RBFOX1: variants seen among roughly 807,000 people sequenced by gnomAD.
RBFOX1 encodes the protein RNA binding fox-1 homolog 1, also known as RNA binding protein fox-1 homolog 1.
Under a neutral mutation model 57.7 loss-of-function variants are expected in RBFOX1, and 8 were observed. The observed-to-expected ratio is 0.14, with a 90% CI of 0.08 to 0.25. RBFOX1 has a LOEUF of 0.25. Among genes scored for constraint, RBFOX1 ranks in the 10% least tolerant of loss-of-function variants. The pLI, the probability that RBFOX1 is intolerant of heterozygous loss-of-function variation, is 1.00. For synonymous variants in RBFOX1, 326 were observed against 222.4 expected (o/e 1.47, Z -4.15); for missense variants, 611 against 548.5 (o/e 1.11, Z -1.14).
chr16:6,173,249 A>C (rs1004802397), intron 1 of RBFOX1, among the ~76,000 whole-genome samples: 5 of 152,140 alleles, frequency 3.3e-5, no homozygotes, highest in Middle Eastern at 3.2e-3. Flanking sequence ...TCTGTGTACT[A>C]TGACTGCCAA....
chr16:5,819,225 C>T (rs188472975), intron 3 of RBFOX1, among the ~76,000 whole-genome samples: 5 of 152,118 alleles, frequency 3.3e-5, no homozygotes, highest in African/African-American at 9.7e-5. Flanking sequence ...CCTAGATGGC[C>T]GTCTTTTCAA....
intron 3 of RBFOX1, among the ~76,000 whole-genome samples, chr16:6,866,530 T>C (rs2059938066): frequency 2.2e-5 from 3 of 134,118 alleles, no homozygotes; most frequent in South Asian, 5.1e-4. Flanking sequence ...GTTAGGGCTT[T>C]CTTTCCTTCT....
chr16:7,559,994 A>G lies in RBFOX1; in HGVS notation c.271-19783A>G, dbSNP rs151303519. ...GTTAAAAGAATGGATCCTATTTGTCACCTGTGAAGGTTATTTTAAAAGATT... is the reference window on the plus strand; with the variant it reads ...GTTAAAAGAATGGATCCTATTTGTCGCCTGTGAAGGTTATTTTAAAAGATT... On this transcript the variant is annotated intron_variant, in intron 5 of 15. Transcript: ENST00000550418. 5.1e-4 allele frequency among the ~76,000 whole-genome samples: 78 copies of G among 152,322 alleles called. 1 individual carries two copies. The highest frequency in any genetic ancestry group is 1.8e-3 in the African/African-American group (73 of 41,572).
intron 4 of RBFOX1, among the ~76,000 whole-genome samples, chr16:7,448,600 G>C (rs927625068): frequency 6.6e-6 from 1 of 152,132 alleles, no homozygotes; most frequent in African/African-American, 2.4e-5. Flanking sequence ...GGAATTATGG[G>C]AGCTACAATT....
intron 4 of RBFOX1, among the ~76,000 whole-genome samples, chr16:7,394,718 C>T (rs891473462): frequency 3.9e-5 from 6 of 152,152 alleles, no homozygotes; most frequent in Non-Finnish European, 7.3e-5. Context: ...CCGGTTGAGG[C>T]ATGAATAACA....
intron 11 of RBFOX1, among the ~76,000 whole-genome samples, chr16:7,640,642 A>G (rs192121985): frequency 6.6e-6 from 1 of 152,324 alleles, no homozygotes; most frequent in Admixed American, 6.5e-5. Context: ...CAGTGAGGCA[A>G]TTATTCTGGG....
chr16:7,284,372 C>G (rs1056377973), intron 4 of RBFOX1, among the ~76,000 whole-genome samples: 3 of 152,038 alleles, frequency 2.0e-5, no homozygotes, highest in Non-Finnish European at 2.9e-5. Flanking sequence ...GCTCTGTATC[C>G]CAGGCTGTAG....
At chr16:6,550,696 T>C (rs866947234) in intron 2 of RBFOX1, among the ~76,000 whole-genome samples, 9 of 152,244 alleles carry the variant, frequency 5.9e-5, no homozygotes, top group African/African-American at 2.2e-4. Flanking sequence ...CAATTTCTTC[T>C]TCTGCATCCC....
At chr16:6,718,573 C>G (rs779768768) in intron 3 of RBFOX1, among the ~76,000 whole-genome samples, 1 of 152,032 alleles carries the variant, frequency 6.6e-6, no homozygotes, top group Non-Finnish European at 1.5e-5. Context: ...GATTTGTGTC[C>G]CCGCCCAAAT....
intron 3 of RBFOX1, among the ~76,000 whole-genome samples, chr16:7,044,865 C>T (rs1042312474): frequency 6.6e-6 from 1 of 152,136 alleles, no homozygotes; most frequent in African/African-American, 2.4e-5. Flanking sequence ...CCCCTCTCCC[C>T]ACCCGGAGCC....
chr16:6,204,903 C>G (rs766412515), intron 1 of RBFOX1, among the ~76,000 whole-genome samples: 1 of 152,170 alleles, frequency 6.6e-6, no homozygotes, highest in Non-Finnish European at 1.5e-5. Flanking sequence ...TGCACGATAA[C>G]ACACGATTAA....
chr16:5,471,609 T>G (rs762545507), intron 2 of RBFOX1, among the ~76,000 whole-genome samples: 22 of 152,100 alleles, frequency 1.4e-4, no homozygotes, highest in Admixed American at 3.9e-4. Flanking sequence ...ACCAGGGCAG[T>G]TACATGGTCT....
At chr16:6,444,011 T>G (rs935058604) in intron 2 of RBFOX1, among the ~76,000 whole-genome samples, 5 of 152,200 alleles carry the variant, frequency 3.3e-5, no homozygotes, top group Non-Finnish European at 5.9e-5. Context: ...AATATATATG[T>G]GTATATGAAC....
chr16:5,329,863 G>A (rs1044807033), intron 1 of RBFOX1, among the ~76,000 whole-genome samples: 1 of 152,108 alleles, frequency 6.6e-6, no homozygotes, highest in South Asian at 2.1e-4. Flanking sequence ...TTAGCCAGGT[G>A]TGATGGCAGG....
chr16:7,121,605 G>A (rs539455133), intron 4 of RBFOX1, among the ~76,000 whole-genome samples: 47 of 151,946 alleles, frequency 3.1e-4, no homozygotes, highest in Non-Finnish European at 3.1e-4. Flanking sequence ...ACTCATTGTA[G>A]TAAAAGTATT....
intron 1 of RBFOX1, among the ~76,000 whole-genome samples, chr16:6,219,259 A>G (rs983319785): frequency 1.3e-5 from 2 of 152,184 alleles, no homozygotes; most frequent in Non-Finnish European, 2.9e-5. Flanking sequence ...ACTTGAGCCC[A>G]GGAGCTCAAG....
intron 2 of RBFOX1, among the ~76,000 whole-genome samples, chr16:6,604,531 G>C (rs1040697611): frequency 1.3e-5 from 2 of 152,106 alleles, no homozygotes; most frequent in African/African-American, 4.8e-5. Flanking sequence ...AGGAACTCTG[G>C]AGTTGCTTCA....
chr16:7,373,585 T>G (rs1171616287), intron 4 of RBFOX1, among the ~76,000 whole-genome samples: 1 of 152,162 alleles, frequency 6.6e-6, no homozygotes, highest in Non-Finnish European at 1.5e-5. Flanking sequence ...TTTAATAAGG[T>G]CCACAGCCAG....
intron 3 of RBFOX1, among the ~76,000 whole-genome samples, chr16:6,677,534 G>C (rs1446525673): frequency 6.6e-6 from 1 of 152,118 alleles, no homozygotes; most frequent in Non-Finnish European, 1.5e-5. Context: ...ACATCAGGGA[G>C]CTAGGATTAA....
Sources: allele counts gnomAD v4.1 joint callset (sites outside exome capture counted in the v4.1 genomes callset), GRCh38; gene constraint gnomAD v4.1.1; transcripts MANE v1.5; gene names NCBI Gene and HGNC (gene_info 2026-07-23, HGNC 2026-07-21).